Variants in CMSS1 observed in about 807,000 individuals in gnomAD.
CMSS1 encodes cms1 ribosomal small subunit homolog, also known as protein CMSS1.
A neutral mutation model predicts 43.5 loss-of-function variants in CMSS1; 33 were observed. The ratio of observed to expected loss-of-function variants is 0.76; its 90% CI spans 0.57 to 1.01. CMSS1 has a LOEUF of 1.01. CMSS1 is among the 50% of genes least tolerant of loss of function. CMSS1 has a pLI of 0.00. For missense variants in CMSS1, 313 were observed against 326.4 expected (o/e 0.96, Z 0.32); for synonymous variants, 115 against 117.2 (o/e 0.98, Z 0.12).
In CMSS1 at chr3:99,885,257, T is replaced by C. The variant is rs534486018; in HGVS notation, c.64+67214T>C. On this transcript the variant is annotated intron_variant, in intron 1 of 9. Transcript: ENST00000421999. ...CAAAGAGACTCTTTCAGCCTACTTA[T>C]TTGTATTGGATGCTTGTAGGGCTAT... Among the ~76,000 whole-genome samples, 5 of 152,334 alleles carry C rather than the reference T, an allele frequency of 3.3e-5. No homozygotes were observed. In the East Asian group the frequency reaches 7.7e-4, roughly 23 times the overall value.
At chr3:99,981,147 A>G (rs1709110539) in intron 1 of CMSS1, among the ~76,000 whole-genome samples, 1 of 152,160 alleles carries the variant, frequency 6.6e-6, no homozygotes, top group South Asian at 2.1e-4. Context: ...GAGCCTCACA[A>G]ACACCCTGTG....
In CMSS1 at chr3:99,897,297, G is replaced by A. The variant is rs911814779; in HGVS notation, c.64+79254G>A. On this transcript the variant is annotated intron_variant, in intron 1 of 9. Coordinates refer to ENST00000421999, the MANE Select transcript of CMSS1 (RefSeq NM_032359.4). ...TCGCTCGAACCCAGGAGGCCTCCGC[G>A]GGAGGAGGTTGCAGGGAGCCGAGAT... 4.6e-5 allele frequency among the ~76,000 whole-genome samples: 7 copies of A among 152,116 alleles called. 1 individual carries two copies. In the South Asian group the frequency reaches 6.2e-4, roughly 14 times the overall value.
At chr3:100,010,641 G>A (rs1380541659) in intron 1 of CMSS1, among the ~76,000 whole-genome samples, 5 of 150,134 alleles carry the variant, frequency 3.3e-5, no homozygotes, top group Admixed American at 2.0e-4. Flanking sequence ...TGGAGATGGA[G>A]TGTCCCTCTG....
At chr3:100,122,208 A>G (rs183772898) in intron 1 of CMSS1, among the ~76,000 whole-genome samples, 1 of 152,208 alleles carries the variant, frequency 6.6e-6, no homozygotes, top group Non-Finnish European at 1.5e-5. Flanking sequence ...GCTGTGTACA[A>G]GTACCCAGAA....
intron 1 of CMSS1, chr3:99,924,163 G>T: frequency 7.7e-7 from 1 of 1,305,888 alleles, no homozygotes; most frequent in South Asian, 1.3e-5. Context: ...TTGTATCCCT[G>T]AGACCTGGTA....
chr3:100,104,351 C>T (rs553764978), intron 1 of CMSS1, among the ~76,000 whole-genome samples: 15 of 152,342 alleles, frequency 9.8e-5, no homozygotes, highest in African/African-American at 3.6e-4. Context: ...CCGTTAACTA[C>T]ATCAGTTGTC....
At chr3:99,851,263 C>A (rs1487530992) in intron 1 of CMSS1, among the ~76,000 whole-genome samples, 1 of 152,132 alleles carries the variant, frequency 6.6e-6, no homozygotes, top group Non-Finnish European at 1.5e-5. Flanking sequence ...TTTTATTTGA[C>A]TACCATTGAT....
intron 4 of CMSS1, among the ~76,000 whole-genome samples, chr3:100,162,712 G>A (rs1048126002): frequency 1.3e-5 from 2 of 152,156 alleles, no homozygotes; most frequent in East Asian, 1.9e-4. Context: ...AGTGGCTCAC[G>A]CCTATAATCC....
At chr3:100,084,578 T>C (rs2065978518) in intron 1 of CMSS1, among the ~76,000 whole-genome samples, 1 of 152,238 alleles carries the variant, frequency 6.6e-6, no homozygotes, top group South Asian at 2.1e-4. Context: ...ATGATAGCCG[T>C]GTCTCTTAAA....
chr3:100,121,599 GTGTGTA>G (rs1254779370), intron 1 of CMSS1, among the ~76,000 whole-genome samples: 3 of 152,118 alleles, frequency 2.0e-5, no homozygotes, highest in African/African-American at 7.2e-5. Context: ...AAACATACAT[GTGTGTA>G]TGTCTTTATC....
chr3:99,877,681 C>T (rs950101549), intron 1 of CMSS1, among the ~76,000 whole-genome samples: 2 of 152,190 alleles, frequency 1.3e-5, no homozygotes, highest in Admixed American at 6.5e-5. Flanking sequence ...CTGCCCTATA[C>T]TTGTGAATTG....
At chr3:99,969,857 T>G (rs959094692) in intron 1 of CMSS1, among the ~76,000 whole-genome samples, 6 of 152,164 alleles carry the variant, frequency 3.9e-5, no homozygotes, top group Non-Finnish European at 5.9e-5. Context: ...TGTTAAAGAT[T>G]GTTGCCAAGT....
chr3:100,067,774 G>A (rs1424892519), intron 1 of CMSS1, among the ~76,000 whole-genome samples: 3 of 152,112 alleles, frequency 2.0e-5, no homozygotes, highest in Admixed American at 1.3e-4. Context: ...AGTCTCTGTG[G>A]TCTCTATCCA....
At chr3:99,903,258 G>GT (rs11425482) in intron 1 of CMSS1, among the ~76,000 whole-genome samples, 39,868 of 148,206 alleles carry the variant, frequency 0.27, 5,933 homozygotes, top group Admixed American at 0.34. Flanking sequence ...ACATATGCAT[G>GT]TTTTTTTTTT....
intron 1 of CMSS1, among the ~76,000 whole-genome samples, chr3:99,938,149 A>G (rs1707748559): frequency 1.3e-5 from 2 of 152,068 alleles, no homozygotes; most frequent in Admixed American, 1.3e-4. Context: ...ACTTACTGGA[A>G]ATCTCCATTT....
chr3:100,090,215 G>A (rs969410780), intron 1 of CMSS1, among the ~76,000 whole-genome samples: 1 of 152,154 alleles, frequency 6.6e-6, no homozygotes, highest in Non-Finnish European at 1.5e-5. Context: ...TTGTCCACAT[G>A]GGTCCATTGT....
At chr3:99,916,999 T>G (rs562057170) in intron 1 of CMSS1, among the ~76,000 whole-genome samples, 1 of 152,340 alleles carries the variant, frequency 6.6e-6, no homozygotes, top group Admixed American at 6.5e-5. Flanking sequence ...ATTTCTATTT[T>G]GATATGGTTT....
Position 99,964,242 on chromosome 3 carries a change from G to A in CMSS1, c.64+146199G>A, listed in dbSNP as rs920216823. ...ATTTTTATTTATCAATATTTATCTT[G>A]ATTAATGATCTTACCTCTAGCTAGG... On this transcript the variant is annotated intron_variant, in intron 1 of 9. Transcript: ENST00000421999. The A allele has an allele frequency of 5.3e-5, 8 of 151,908 alleles. No individual in the cohort carries two copies. In the South Asian group the frequency reaches 6.3e-4, roughly 12 times the overall value. The allele number at this position is 151,908 out of a possible 1,614,324, so 9.4% of individuals were successfully genotyped here.
intron 1 of CMSS1, among the ~76,000 whole-genome samples, chr3:100,113,460 C>T (rs2066523862): frequency 1.3e-5 from 2 of 152,200 alleles, no homozygotes; most frequent in South Asian, 4.1e-4. Context: ...ATCTCAGAAA[C>T]CTGCTTCTGT....
Sources: gnomAD v4.1 joint callset for allele counts (sites outside exome capture counted in the v4.1 genomes callset) on GRCh38, gnomAD v4.1.1 for gene constraint, MANE v1.5 for transcripts, NCBI Gene and HGNC (gene_info 2026-07-23, HGNC 2026-07-21) for gene names.